The following ITFG2 variants were observed in gnomAD, a reference collection of about 807,000 sequenced individuals.
ITFG2 encodes KICSTOR complex protein ITFG2.
A neutral mutation model predicts 54.4 loss-of-function variants in ITFG2; 36 were observed. The observed-to-expected ratio is 0.66, with a 90% CI of 0.51 to 0.87. The LOEUF is 0.87. Ranked by LOEUF, ITFG2 falls within the 40% of genes least tolerant of loss-of-function variation. The pLI is 0.00. For missense variants in ITFG2, 524 were observed against 576.7 expected, an observed-to-expected ratio of 0.91 and a Z score of 0.94; for synonymous variants, 211 against 225.4, an observed-to-expected ratio of 0.94 and a Z score of 0.57.
rs61196975 is a variant in ITFG2, at chr12:2,848,896, CA to C, written n.300+7902del. ...ACACACGCACACACACACACACACA[CA>C]CACACACACACACACTCCTTCCTTC... is the stretch of plus-strand genomic sequence containing the variant. On this transcript the variant is annotated intron_variant and non_coding_transcript_variant, in intron 2 of 3. Coordinates refer to the ITFG2 transcript ENST00000537710. The C allele has an allele frequency of 4.0e-3, 1,355 of 339,788 alleles. 22 individuals carry two copies. The highest frequency in any genetic ancestry group is 0.027 in the African/African-American group (1,278 of 46,528). 21.0% of individuals were successfully genotyped at this position (339,788 alleles called of 1,614,324 possible). A position where few individuals can be genotyped will look rare whatever the true frequency, so the allele number is the denominator to read the frequency against.
upstream of ITFG2, among the ~76,000 whole-genome samples, chr12:2,835,762 C>T (rs1295917525): frequency 6.6e-6 from 1 of 152,244 alleles, no homozygotes; most frequent in Non-Finnish European, 1.5e-5. Context: ...GCTCCCTGTG[C>T]ACTTCCACTT....
chr12:2,826,821 A>ATC, downstream of ITFG2: 7 of 272,824 alleles, frequency 2.6e-5, no homozygotes, highest in South Asian at 1.7e-4. Context: ...GTGGTGTGGG[A>ATC]AGTTGAGTTG....
At chr12:2,840,033 A>T (rs899821996) in intron 1 of ITFG2, among the ~76,000 whole-genome samples, 1 of 151,784 alleles carries the variant, frequency 6.6e-6, no homozygotes, top group African/African-American at 2.4e-5. Flanking sequence ...CAGGATCAAG[A>T]GAAGCCCAGA....
At chr12:2,830,183 G>A (rs1318930018) in intron 2 of ITFG2, 1 of 152,222 alleles carries the variant, frequency 6.6e-6, no homozygotes, top group African/African-American at 2.4e-5. Context: ...GTTTCAAGGA[G>A]GAGGTAACAT....
downstream of ITFG2, chr12:2,827,777 G>C (rs1185204303): frequency 8.1e-6 from 13 of 1,607,192 alleles, no homozygotes; most frequent in Non-Finnish European, 8.5e-7. This position sits in a 1 kb window ranked among gnomAD's most constrained non-coding sequence, Gnocchi z 4.0. Context: ...CCCATCCCCA[G>C]ATCCGAGGAC....
intron 5 of ITFG2, 53 bp downstream of exon 5, chr12:2,820,278 C>G: frequency 6.6e-7 from 1 of 1,506,874 alleles, no homozygotes; most frequent in South Asian, 1.3e-5. Context: ...AGGAAGGTCT[C>G]CTGGAGGAGG....
rs749902354 is a variant in ITFG2 at position 2,817,921 on chromosome 12, G to A, written c.205G>A (p.Gly69Arg). The part of the protein sequence containing the change: ...CSCQGMLTCV[G>R]VGDVCNKGKN... Reference sequence around the variant, plus strand: ...TTCTCTCTTACAGCTGACTTGCGTTGGGGTTGGAGACGTGTGTAATAAAGG... The same window carrying A: ...TTCTCTCTTACAGCTGACTTGCGTTAGGGTTGGAGACGTGTGTAATAAAGG... Residue 69 changes from glycine to arginine, a missense_variant, in exon 3 of 12, where the codon GGG becomes AGG. Physicochemically the swap from Gly to Arg is moderately radical, Grantham distance 125. Coordinates refer to ENST00000228799, the MANE Select transcript of ITFG2 (RefSeq NM_018463.4). The A allele has an allele frequency of 1.2e-6, 2 of 1,613,932 alleles. No individual in the cohort carries two copies. Among genetic ancestry groups the A allele is most frequent in the South Asian group, 2.2e-5 (2 of 91,066 alleles).
Position 2,825,017 on chromosome 12 carries a change from A to G in ITFG2, c.*824A>G, listed in dbSNP as rs1240027520. On this transcript the variant is annotated 3_prime_UTR_variant, in exon 12 of 12. Coordinates refer to ENST00000228799, the MANE Select transcript of ITFG2 (RefSeq NM_018463.4). The stretch of plus-strand genomic sequence containing the variant: ...TGTGGTTGCAGTCCTTTGGTGGATT[A>G]TGGCCAGCATTTTTTAAATAGGTAG... 1 of 152,308 alleles carries G rather than the reference A, an allele frequency of 6.6e-6. No individual in the cohort carries two copies. The highest frequency in any genetic ancestry group is 1.5e-5 in the Non-Finnish European group (1 of 68,108). 9.4% of individuals were successfully genotyped at this position (152,308 alleles called of 1,614,324 possible). A position where few individuals can be genotyped will look rare whatever the true frequency, so the allele number is the denominator to read the frequency against.
At chr12:2,853,607 G>GTT (rs569055360) in intron 2 of ITFG2, among the ~76,000 whole-genome samples, 12 of 145,416 alleles carry the variant, frequency 8.3e-5, no homozygotes, top group African/African-American at 3.1e-4. Flanking sequence ...TTTTGTTTTT[G>GTT]TTTTTGTTTT....
At chr12:2,855,481 G>A (rs1032095617) in intron 2 of ITFG2, 2 of 1,389,002 alleles carry the variant, frequency 1.4e-6, no homozygotes, top group Admixed American at 2.8e-5. Context: ...GGGGAAGGTT[G>A]TGCAGACAGG....
At chr12:2,836,126 A>G (rs778811767), upstream of ITFG2, among the ~76,000 whole-genome samples, 5 of 152,208 alleles carry the variant, frequency 3.3e-5, no homozygotes, top group Non-Finnish European at 5.9e-5. Flanking sequence ...TCTCTAGAGT[A>G]TACACCTACA....
chr12:2,845,045 C>T lies in ITFG2; in HGVS notation n.300+4050C>T, dbSNP rs1252978019. 6.6e-6 allele frequency among the ~76,000 whole-genome samples: 1 copy of T among 152,094 alleles called. No individual in the cohort carries two copies. Among genetic ancestry groups the T allele is most frequent in the South Asian group, 2.1e-4 (1 of 4,828 alleles). On this transcript the variant is annotated intron_variant and non_coding_transcript_variant, in intron 2 of 3. Transcript: ENST00000537710. This position sits in a 1 kb window ranked among gnomAD's most constrained non-coding sequence, Gnocchi z 4.2. Reference sequence around the variant, plus strand: ...CAGCTATGTGAAGAGCCACGGGAACCGCTACCTGTGATGGCAGGTGGGCAG... The same window carrying T: ...CAGCTATGTGAAGAGCCACGGGAACTGCTACCTGTGATGGCAGGTGGGCAG...
At position 2,858,796 on chromosome 12, in the gene ITFG2, G is replaced by A. The variant is rs1448418903; in HGVS notation, n.620+465G>A. 13 of 1,614,090 alleles carry A rather than the reference G, an allele frequency of 8.1e-6. No individual in the cohort carries two copies. The Admixed American group carries it at 2.0e-4, about 25-fold the overall frequency. On this transcript the variant is annotated intron_variant and non_coding_transcript_variant, in intron 3 of 3. Coordinates refer to the ITFG2 transcript ENST00000537710. The stretch of plus-strand genomic sequence containing the variant: ...TCTGTCAGAGAACGATTGGCTGCAA[G>A]GCCAGAAACCTGTGGCTCCGGGGAG...
At chr12:2,832,061 TGTG>T (rs1280805858), upstream of ITFG2, among the ~76,000 whole-genome samples, 1 of 152,132 alleles carries the variant, frequency 6.6e-6, no homozygotes, top group African/African-American at 2.4e-5. Context: ...TACTCCAAAA[TGTG>T]GTCCTCAGAT....
In ITFG2 at chr12:2,824,474, G is replaced by A. The variant is rs184858996; in HGVS notation, c.*281G>A. ...CCCTGGCCTTGTTCCAAATCATCTG[G>A]GACATGACCCACTCCCCACTGTCAC... On this transcript the variant is annotated 3_prime_UTR_variant, in exon 12 of 12. Transcript: ENST00000228799. 1.7e-3 allele frequency: 747 copies of A among 440,028 alleles called. 2 individuals carry two copies. Among genetic ancestry groups the A allele is most frequent in the African/African-American group, 0.013 (661 of 49,930 alleles). The allele number at this position is 440,028 out of a possible 1,614,324, so 27.3% of individuals were successfully genotyped here.
Position 2,821,316 on chromosome 12 carries a change from CA to C in ITFG2, c.752del (p.Asn251ThrfsTer8). 1 of 1,610,224 alleles carries C rather than the reference CA, an allele frequency of 6.2e-7. No individual in the cohort carries two copies. The highest frequency in any genetic ancestry group is 8.5e-7 in the Non-Finnish European group (1 of 1,178,234). On this transcript the variant is annotated frameshift_variant, in exon 7 of 12. Transcript: ENST00000228799. LOFTEE classifies it high-confidence loss of function. Reference sequence around the variant, plus strand: ...TGCACCAGACATCTGGCCGTATCCACAACAAGAATGTCTCCACTCACCTAAT... The same window carrying C: ...TGCACCAGACATCTGGCCGTATCCACACAAGAATGTCTCCACTCACCTAAT... Reference protein sequence around the residue: ...VLHQTSGRIHNKNVSTHLIGN... With the variant: ...VLHQTSGRIHXKNVSTHLIGN...
Position 2,856,968 on chromosome 12 carries a change from T to G in ITFG2, n.301-1044T>G, listed in dbSNP as rs114211900. On this transcript the variant is annotated intron_variant and non_coding_transcript_variant, in intron 2 of 3. Coordinates refer to the ITFG2 transcript ENST00000537710. The stretch of plus-strand genomic sequence containing the variant: ...GCCACCCCCTACCTGCAGGAAAGGT[T>G]CTTCCATATGAGATGGGTGACTGGG... The G allele has an allele frequency of 6.1e-3, 4,319 of 703,014 alleles. 132 individuals are homozygous for G. The African/African-American group carries it at 0.066, about 11-fold the overall frequency. 43.5% of individuals were successfully genotyped at this position (703,014 alleles called of 1,614,324 possible).
At chr12:2,829,991 C>T (rs76787505), downstream of ITFG2, among the ~76,000 whole-genome samples, 1 of 150,624 alleles carries the variant, frequency 6.6e-6, no homozygotes, top group Non-Finnish European at 1.5e-5. Flanking sequence ...GCAGGAGAAT[C>T]GCTTGAACCC....
At chr12:2,834,447 C>G (rs555216518), upstream of ITFG2, among the ~76,000 whole-genome samples, 1 of 152,268 alleles carries the variant, frequency 6.6e-6, no homozygotes, top group East Asian at 1.9e-4. Context: ...GAATAGGAAC[C>G]CTCAGAGCCA....
Sources: gnomAD v4.1 joint callset for allele counts (sites outside exome capture counted in the v4.1 genomes callset) on GRCh38, gnomAD v4.1.1 for gene constraint, Gnocchi (gnomAD v3.1) non-coding constraint, MANE v1.5 for transcripts, NCBI Gene and HGNC (gene_info 2026-07-23, HGNC 2026-07-21) for gene names.